INTS3: variants seen among roughly 807,000 people sequenced by gnomAD.
INTS3 encodes SOSS complex subunit A.
Under a neutral mutation model 146.3 loss-of-function variants are expected in INTS3, and 34 were observed. The ratio of observed to expected loss-of-function variants is 0.23; its 90% CI spans 0.18 to 0.31. INTS3 has a LOEUF of 0.31. Among genes scored for constraint, INTS3 ranks in the 10% least tolerant of loss-of-function variants. INTS3 has a pLI of 1.00. For synonymous variants in INTS3, 475 were observed against 494.9 expected, an observed-to-expected ratio of 0.96 and a Z score of 0.53; for missense variants, 757 against 1,304.2, an observed-to-expected ratio of 0.58 and a Z score of 6.46.
chr1:153,755,310 CT>C lies in INTS3; in HGVS notation c.957+572del, dbSNP rs574674509. 3.0e-4 allele frequency among the ~76,000 whole-genome samples: 45 copies of C among 152,222 alleles called. No individual in the cohort carries two copies. The South Asian group carries it at 7.3e-3, about 25-fold the overall frequency. On this transcript the variant is annotated intron_variant, in intron 9 of 29. Transcript: ENST00000318967. The stretch of plus-strand genomic sequence containing the variant: ...TGGAGTTTCGTTCTTGTTGCCCAGG[CT>C]AGAGTGCAGTGGCGCGATCTCGGCT...
At chr1:153,765,655 C>T (rs75601412) in intron 20 of INTS3, among the ~76,000 whole-genome samples, 1 of 151,924 alleles carries the variant, frequency 6.6e-6, no homozygotes, top group East Asian at 1.9e-4. Context: ...CTGCAACTTC[C>T]ACCTCCCGGG....
Position 153,769,712 on chromosome 1 carries a change from A to G in INTS3, c.2314-57A>G, listed in dbSNP as rs376362407. The stretch of plus-strand genomic sequence containing the variant: ...GCCCTCCTGCGTCCCCCTCCATACT[A>G]GCTTCCTGGCCCCTTTCAGAGCTGA... On this transcript the variant is annotated intron_variant, in intron 22 of 29. Transcript: ENST00000318967. 3.7e-5 allele frequency: 44 copies of G among 1,179,758 alleles called. No homozygotes were observed. The African/African-American group carries it at 5.5e-4, about 15-fold the overall frequency. 73.1% of individuals were successfully genotyped at this position (1,179,758 alleles called of 1,614,324 possible).
chr1:153,763,452 G>C, intron 16 of INTS3, 90 bp downstream of exon 16: 1 of 1,399,364 alleles, frequency 7.1e-7, no homozygotes, highest in Non-Finnish European at 1.0e-6. Flanking sequence ...ATGGGGGTTG[G>C]AGGCAAACAT....
chr1:153,754,018 C>G (rs1338635505), intron 8 of INTS3, among the ~76,000 whole-genome samples: 2 of 138,720 alleles, frequency 1.4e-5, no homozygotes, highest in East Asian at 2.3e-4. Flanking sequence ...CAAGGCTGGT[C>G]TTGAACTCGT....
chr1:153,741,754 A>G (rs1039571077), intron 3 of INTS3, among the ~76,000 whole-genome samples: 1 of 152,278 alleles, frequency 6.6e-6, no homozygotes, highest in Non-Finnish European at 1.5e-5. Flanking sequence ...GCAGGTGAAT[A>G]GAAAGCAGGC....
intron 17 of INTS3, 46 bp from the exon 18 acceptor site, chr1:153,764,072 G>T (rs372552403): frequency 6.7e-7 from 1 of 1,499,482 alleles, no homozygotes; most frequent in Admixed American, 1.7e-5. Context: ...GGGCAGGAGG[G>T]CTTGGGTGTA....
At chr1:153,745,137 T>C (rs1042005852) in intron 3 of INTS3, among the ~76,000 whole-genome samples, 4 of 150,900 alleles carry the variant, frequency 2.7e-5, no homozygotes, top group African/African-American at 9.8e-5. Context: ...TTGCTTGCTA[T>C]AGTATAACAA....
At chr1:153,745,762 C>T (rs924585100) in intron 3 of INTS3, among the ~76,000 whole-genome samples, 15 of 152,004 alleles carry the variant, frequency 9.9e-5, no homozygotes, top group Admixed American at 9.2e-4. Context: ...AGCACCTTTC[C>T]TTTTTCAATA....
In INTS3 at chr1:153,771,649, G is replaced by A. The variant is rs1340396511; in HGVS notation, c.2553-147G>A. ...TGGCTTCCACAGAGGATGAAACCAGGCATTCCTTGGCCTAAGGAGAAGAGG... is the reference window on the plus strand; with the variant it reads ...TGGCTTCCACAGAGGATGAAACCAGACATTCCTTGGCCTAAGGAGAAGAGG... On this transcript the variant is annotated intron_variant, in intron 25 of 29. Transcript: ENST00000318967. The A allele has an allele frequency of 1.2e-5, 9 of 720,834 alleles. No individual in the cohort carries two copies. In the South Asian group the frequency reaches 1.6e-4, roughly 13 times the overall value. The allele number at this position is 720,834 out of a possible 1,614,324, so 44.7% of individuals were successfully genotyped here. A position where few individuals can be genotyped will look rare whatever the true frequency, so the allele number is the denominator to read the frequency against.
At chr1:153,762,209 G>A (rs576976645) in intron 14 of INTS3, among the ~76,000 whole-genome samples, 8 of 152,260 alleles carry the variant, frequency 5.3e-5, no homozygotes, top group Non-Finnish European at 1.0e-4. Flanking sequence ...AGTACTTTGG[G>A]AGGCTGAGGC....
At chr1:153,763,922 C>A in intron 17 of INTS3, 36 bp downstream of exon 17, 2 of 1,581,306 alleles carry the variant, frequency 1.3e-6, no homozygotes, top group Non-Finnish European at 1.7e-6. Flanking sequence ...GAGGAAGCAG[C>A]CTAGCCTGCT....
intron 21 of INTS3, 28 bp downstream of exon 21, chr1:153,767,855 G>A (rs754124096): frequency 3.4e-5 from 54 of 1,570,446 alleles, no homozygotes; most frequent in Middle Eastern, 1.7e-4. Context: ...TATCTGTGCC[G>A]GGGGGCTCAC....
In INTS3 at chr1:153,761,203, A is replaced by T. The variant is rs532639877; in HGVS notation, c.1409+285A>T. On this transcript the variant is annotated intron_variant, in intron 13 of 29. Coordinates refer to ENST00000318967, the MANE Select transcript of INTS3 (RefSeq NM_023015.5). The stretch of plus-strand genomic sequence containing the variant: ...TTGTGCTTAGACCTATCTCAACTCC[A>T]TGTTGAGTTAGAAATGAGAAGCTCT... 6 of 636,210 alleles carry T rather than the reference A, an allele frequency of 9.4e-6. No individual in the cohort carries two copies. In the South Asian group the frequency reaches 1.6e-4, roughly 17 times the overall value. 39.4% of individuals were successfully genotyped at this position (636,210 alleles called of 1,614,324 possible). A position where few individuals can be genotyped will look rare whatever the true frequency, so the allele number is the denominator to read the frequency against.
Position 153,773,295 on chromosome 1 carries a change from C to T in INTS3, c.*25C>T, listed in dbSNP as rs758475139. 1 of 1,597,446 alleles carries T rather than the reference C, an allele frequency of 6.3e-7. No individual in the cohort carries two copies. The highest frequency in any genetic ancestry group is 1.3e-5 in the African/African-American group (1 of 74,706). On this transcript the variant is annotated 3_prime_UTR_variant, in exon 30 of 30. Coordinates refer to ENST00000318967, the MANE Select transcript of INTS3 (RefSeq NM_023015.5). ...AGGCCCTGCATTCCCCATCCCACCC[C>T]CGGCTGGACTGCCCTCTCCTTCTTG...
chr1:153,768,836 A>G lies in INTS3; in HGVS notation c.2245-57A>G, dbSNP rs150742340. ...ATGTAATAAGGAAGGAGAGTGGGCT[A>G]TGGGATAAAAGCTGAGGAGCCCATC... On this transcript the variant is annotated intron_variant, in intron 21 of 29. Transcript: ENST00000318967. 1,385 of 1,338,834 alleles carry G rather than the reference A, an allele frequency of 1.0e-3. 4 individuals carry two copies. In the African/African-American group the frequency reaches 0.016, roughly 15 times the overall value. 82.9% of individuals were successfully genotyped at this position (1,338,834 alleles called of 1,614,324 possible). A position where few individuals can be genotyped will look rare whatever the true frequency, so the allele number is the denominator to read the frequency against.
At chr1:153,750,848 G>C in intron 6 of INTS3, 2 of 466,168 alleles carry the variant, frequency 4.3e-6, no homozygotes. Flanking sequence ...AAAAGAGATT[G>C]CTTTCATTTG....
At chr1:153,761,344 T>C in intron 13 of INTS3, 1 of 508,364 alleles carries the variant, frequency 2.0e-6, no homozygotes, top group Non-Finnish European at 3.5e-6. Context: ...AACCCGTGTC[T>C]ACTAAAAATA....
chr1:153,765,784 G>A (rs1309429028), intron 20 of INTS3, among the ~76,000 whole-genome samples: 2 of 152,164 alleles, frequency 1.3e-5, no homozygotes, highest in East Asian at 3.9e-4. Context: ...TGGTCAGGCT[G>A]GTCTCGAACT....
At chr1:153,748,841 G>A in intron 6 of INTS3, 86 bp downstream of exon 6, 1 of 1,100,716 alleles carries the variant, frequency 9.1e-7, no homozygotes, top group Non-Finnish European at 1.4e-6. Context: ...AAAGGATTGT[G>A]TGGCCCAAGA....
Sources: gnomAD v4.1 joint callset for allele counts (sites outside exome capture counted in the v4.1 genomes callset) on GRCh38, gnomAD v4.1.1 for gene constraint, MANE v1.5 for transcripts, NCBI Gene and HGNC (gene_info 2026-07-23, HGNC 2026-07-21) for gene names.